Variants in FBXL4 observed in about 807,000 individuals in gnomAD.
The protein encoded by FBXL4 is F-box and leucine rich repeat protein 4.
A neutral mutation model predicts 58.9 loss-of-function variants in FBXL4; 40 were observed. The observed-to-expected ratio is 0.68, with a 90% CI of 0.53 to 0.88. The LOEUF (loss-of-function observed/expected upper bound fraction) is 0.88. Among genes scored for constraint, FBXL4 ranks in the 40% least tolerant of loss-of-function variants. The pLI is 0.00. For missense variants in FBXL4, 676 were observed against 734.4 expected (o/e 0.92, Z 0.92); for synonymous variants, 263 against 265.5 (o/e 0.99, Z 0.09).
chr6:98,897,344 T>C, intron 7 of FBXL4: 2 of 985,026 alleles, frequency 2.0e-6, no homozygotes, highest in Non-Finnish European at 2.4e-6. Flanking sequence ...CACAGACCAA[T>C]GAAAACACAG....
chr6:98,887,431 C>T (rs1173249754), intron 7 of FBXL4, among the ~76,000 whole-genome samples: 3 of 152,178 alleles, frequency 2.0e-5, no homozygotes, highest in African/African-American at 7.2e-5. Context: ...GCATATCCTC[C>T]TAACTCACTT....
chr6:98,891,773 G>T (rs1403996979), intron 7 of FBXL4, among the ~76,000 whole-genome samples: 1 of 150,936 alleles, frequency 6.6e-6, no homozygotes, highest in Non-Finnish European at 1.5e-5. Flanking sequence ...CATATTAACA[G>T]TCCTATAACT....
intron 1 of FBXL4, among the ~76,000 whole-genome samples, chr6:98,935,810 A>G (rs1287993597): frequency 6.6e-6 from 1 of 151,590 alleles, no homozygotes; most frequent in Non-Finnish European, 1.5e-5. Flanking sequence ...AAAAAAAAAG[A>G]ATAAGGCATC....
chr6:98,930,158 T>C (rs989827545), intron 2 of FBXL4, among the ~76,000 whole-genome samples: 3 of 152,084 alleles, frequency 2.0e-5, no homozygotes, highest in South Asian at 2.1e-4. Flanking sequence ...TGATGAGAGA[T>C]AGTCAGTGGA....
In FBXL4 at chr6:98,926,788, A is replaced by C. The variant is rs762217448; in HGVS notation, c.201T>G (p.Ser67Arg). ...EVVDFSSHYGSENSMSYTMWN... is the reference protein window; with the variant it reads ...EVVDFSSHYGRENSMSYTMWN... ...ACATAGTATAGGACATACTATTCTCACTTCCATAATGGGAACTGAAATCCA... is the reference window on the plus strand; with the variant it reads ...ACATAGTATAGGACATACTATTCTCCCTTCCATAATGGGAACTGAAATCCA... Residue 67 changes from serine to arginine, a missense_variant, in exon 4 of 10, where the codon AGT becomes AGG. Coordinates refer to ENST00000369244, the MANE Select transcript of FBXL4 (RefSeq NM_001278716.2). The C allele has an allele frequency of 1.2e-6, 2 of 1,614,012 alleles. No homozygotes were observed. The highest frequency in any genetic ancestry group is 3.3e-5 in the Admixed American group (2 of 60,020).
Position 98,870,223 on chromosome 6 carries a change from T to C in FBXL4, c.*4055A>G, listed in dbSNP as rs1770456282. The C allele has an allele frequency of 6.6e-6, 1 of 152,210 alleles. No individual in the cohort carries two copies. The highest frequency in any genetic ancestry group is 1.5e-5 in the Non-Finnish European group (1 of 68,038). 9.4% of individuals were successfully genotyped at this position (152,210 alleles called of 1,614,324 possible). A position where few individuals can be genotyped will look rare whatever the true frequency, so the allele number is the denominator to read the frequency against. ...TGAATGTGGTTTATAAAATTAGGAA[T>C]GGGCAAACATGGATTAACTGACTCG... On this transcript the variant is annotated 3_prime_UTR_variant, in exon 10 of 10. Coordinates refer to ENST00000369244, the MANE Select transcript of FBXL4 (RefSeq NM_001278716.2).
intron 8 of FBXL4, among the ~76,000 whole-genome samples, chr6:98,878,324 G>A (rs755067709): frequency 6.6e-6 from 1 of 152,104 alleles, no homozygotes; most frequent in African/African-American, 2.4e-5. Context: ...GAAAACACTG[G>A]TTTTAGCAAA....
chr6:98,892,793 T>A (rs1379188554), intron 7 of FBXL4, among the ~76,000 whole-genome samples: 1 of 152,104 alleles, frequency 6.6e-6, no homozygotes, highest in Non-Finnish European at 1.5e-5. Context: ...AGCAGAGGGG[T>A]CCTTGAAACT....
intron 5 of FBXL4, among the ~76,000 whole-genome samples, chr6:98,907,773 T>C (rs755945072): frequency 7.9e-5 from 12 of 152,202 alleles, no homozygotes; most frequent in Non-Finnish European, 1.3e-4. Context: ...CTAGGCTCAG[T>C]ATTAATTTCA....
chr6:98,906,773 T>G (rs1328379099), intron 5 of FBXL4, among the ~76,000 whole-genome samples: 4 of 152,174 alleles, frequency 2.6e-5, no homozygotes, highest in Non-Finnish European at 4.4e-5. Context: ...GTTGACTAAT[T>G]TACACTCCCA....
At position 98,926,884 on chromosome 6, in the gene FBXL4, A is replaced by T. The variant is rs34316889; in HGVS notation, c.105T>A (p.His35Gln). 47,373 of 1,614,076 alleles carry T rather than the reference A, an allele frequency of 0.029. 775 individuals are homozygous for T. Among genetic ancestry groups the T allele is most frequent in the Non-Finnish European group, 0.035 (41,156 of 1,179,974 alleles). ...TATRGEMMNT[H>Q]RAIESNSQTS... ...TCTGGCTGTTTGATTCTATAGCTCT[A>T]TGGGTGTTCATCATTTCTCCTCTTG... Residue 35 changes from histidine (H) to glutamine (Q), a missense_variant, in exon 4 of 10, where the codon CAT (histidine) becomes CAA (glutamine). His to Gln is a conservative substitution (Grantham distance 24, BLOSUM62 0). Transcript: ENST00000369244.
At chr6:98,943,506 G>A (rs1046674159) in intron 1 of FBXL4, among the ~76,000 whole-genome samples, 2 of 146,042 alleles carry the variant, frequency 1.4e-5, no homozygotes, top group Admixed American at 7.0e-5. Context: ...CCAGGAGATG[G>A]AGGTTGCAGT....
chr6:98,898,566 T>C (rs1290940722), intron 7 of FBXL4: 2 of 917,986 alleles, frequency 2.2e-6, no homozygotes, highest in East Asian at 1.2e-4. Context: ...GACCATGCCA[T>C]TGCACTCCAG....
intron 1 of FBXL4, among the ~76,000 whole-genome samples, chr6:98,939,075 CAAAAAAAAAAAAA>C (rs3068704): frequency 3.2e-4 from 8 of 25,268 alleles, no homozygotes; most frequent in Admixed American, 2.1e-3. Flanking sequence ...GACCTTGTCT[CAAAAAAAAAAAAA>C]AAAAAAAAAA....
intron 7 of FBXL4, among the ~76,000 whole-genome samples, chr6:98,886,523 CTATT>C (rs1771044881): frequency 6.6e-6 from 1 of 152,090 alleles, no homozygotes; most frequent in African/African-American, 2.4e-5. Context: ...TTGTTTTAGT[CTATT>C]TATGTTTCAA....
intron 7 of FBXL4, among the ~76,000 whole-genome samples, chr6:98,892,338 A>G (rs1481564815): frequency 6.6e-6 from 1 of 152,128 alleles, no homozygotes; most frequent in East Asian, 1.9e-4. Flanking sequence ...TTTCTATTTT[A>G]ATTTCTCACC....
intron 8 of FBXL4, among the ~76,000 whole-genome samples, chr6:98,879,152 G>C (rs921967185): frequency 6.6e-6 from 1 of 152,090 alleles, no homozygotes. Context: ...TGTTCAAATG[G>C]TACTCATTTT....
At chr6:98,893,873 T>C (rs954026821) in intron 7 of FBXL4, among the ~76,000 whole-genome samples, 2 of 152,170 alleles carry the variant, frequency 1.3e-5, no homozygotes, top group African/African-American at 4.8e-5. Flanking sequence ...ATCAATTTAA[T>C]GAGTCAGATT....
At chr6:98,919,022 G>A (rs1772479664) in intron 4 of FBXL4, among the ~76,000 whole-genome samples, 1 of 151,578 alleles carries the variant, frequency 6.6e-6, no homozygotes, top group African/African-American at 2.4e-5. Flanking sequence ...AGTAAAAACT[G>A]ATAATGGCAA....
Sources: allele counts gnomAD v4.1 joint callset (sites outside exome capture counted in the v4.1 genomes callset), GRCh38; gene constraint gnomAD v4.1.1; transcripts MANE v1.5; gene names NCBI Gene and HGNC (gene_info 2026-07-23, HGNC 2026-07-21).